The following NDOR1 variants were observed in gnomAD, a reference collection of about 807,000 sequenced individuals.
NDOR1 encodes the protein NADPH-dependent diflavin oxidoreductase 1.
In NDOR1, 61 loss-of-function variants were observed where a neutral mutation model predicts 67.2. The ratio of observed to expected loss-of-function variants is 0.91; its 90% CI spans 0.74 to 1.12. The LOEUF is 1.12. Ranked by LOEUF, NDOR1 falls within the 50% of genes most tolerant of loss-of-function variation. The pLI, the probability that NDOR1 is intolerant of heterozygous loss-of-function variation, is 0.00. For missense variants in NDOR1, 878 were observed against 802.8 expected (o/e 1.09, Z -1.13); for synonymous variants, 378 against 343.7 (o/e 1.10, Z -1.10).
At chr9:137,208,231 C>T (rs1181133287) in intron 2 of NDOR1, among the ~76,000 whole-genome samples, 5 of 150,854 alleles carry the variant, frequency 3.3e-5, no homozygotes, top group Non-Finnish European at 7.4e-5. Flanking sequence ...AGGCAGATCA[C>T]GAGGTCAGGA....
rs989725891 is a variant in NDOR1 at position 137,218,023 on chromosome 9, C to T, written c.*1607C>T. The T allele has an allele frequency of 7.5e-6, 3 of 399,212 alleles. No individual in the cohort carries two copies. The highest frequency in any genetic ancestry group is 6.2e-5 in the African/African-American group (3 of 48,626). 24.7% of individuals were successfully genotyped at this position (399,212 alleles called of 1,614,324 possible). On this transcript the variant is annotated 3_prime_UTR_variant, in exon 14 of 14. Coordinates refer to ENST00000684003, the MANE Select transcript of NDOR1 (RefSeq NM_014434.4). ...TGGAGGGTGCCTGGGCCCTTCCAAC[C>T]TGGAAGGAGGAGGGGAGAGAGCAGG...
intron 2 of NDOR1, among the ~76,000 whole-genome samples, chr9:137,209,851 G>A (rs144480474): frequency 2.2e-4 from 33 of 152,376 alleles, no homozygotes; most frequent in African/African-American, 7.7e-4. Flanking sequence ...CAACACTTTG[G>A]GAGGCCGAGG....
chr9:137,212,539 C>G lies in NDOR1; in HGVS notation c.251C>G (p.Ser84Cys). The change falls in exon 3 of 14, where the codon TCC (serine) becomes TGC (cysteine). Residue 84 changes from serine to cysteine, a missense_variant. Physicochemically the swap from Ser to Cys is moderately radical, Grantham distance 112 (BLOSUM62 -1). Coordinates refer to ENST00000684003, the MANE Select transcript of NDOR1 (RefSeq NM_014434.4). The surrounding 1 kb of genome is among the most constrained non-coding windows in gnomAD (Gnocchi z 4.3). ...WRFIFRKNLP[S>C]TALCQMDFAV... ...TTTATATTCCGGAAGAACCTGCCCT[C>G]CACTGCCCTCTGTCAGATGGACTTT... 6.2e-7 allele frequency: 1 copy of G among 1,614,104 alleles called. No individual in the cohort carries two copies.
At position 137,212,862 on chromosome 9, in the gene NDOR1, CCCCACTT is replaced by C. The variant is rs1216455106; in HGVS notation, c.311+264_311+270del. 1.3e-5 allele frequency: 6 copies of C among 479,724 alleles called. No homozygotes were observed. The highest frequency in any genetic ancestry group is 6.9e-5 in the Admixed American group (2 of 28,970). 29.7% of individuals were successfully genotyped at this position (479,724 alleles called of 1,614,324 possible). A position where few individuals can be genotyped will look rare whatever the true frequency, so the allele number is the denominator to read the frequency against. The stretch of plus-strand genomic sequence containing the variant: ...TCACACAGGCCTACCTGGCGCCGGT[CCCCACTT>C]TTACAAAAAGGCGTGCTGTGAAGTG... On this transcript the variant is annotated intron_variant, in intron 3 of 13. Transcript: ENST00000684003. This position sits in a 1 kb window ranked among gnomAD's most constrained non-coding sequence, Gnocchi z 4.3.
Position 137,205,733 on chromosome 9 carries a change from G to A in NDOR1, c.-45G>A. On this transcript the variant is annotated 5_prime_UTR_variant, in exon 1 of 14. Coordinates refer to ENST00000684003, the MANE Select transcript of NDOR1 (RefSeq NM_014434.4). ...CCCTGCAACCCGGCCGGCGGGAACT[G>A]CCTTCTAGTTTTTAGTCTCAGACCA... The A allele has an allele frequency of 6.3e-7, 1 of 1,598,736 alleles. No individual in the cohort carries two copies. Among genetic ancestry groups the A allele is most frequent in the East Asian group, 2.2e-5 (1 of 44,772 alleles).
chr9:137,218,043 A>G lies in NDOR1; in HGVS notation c.*1627A>G. Reference sequence around the variant, plus strand: ...CCAACCTGGAAGGAGGAGGGGAGAGAGCAGGCAGCAGGGCAGGGGGAAGAG... The same window carrying G: ...CCAACCTGGAAGGAGGAGGGGAGAGGGCAGGCAGCAGGGCAGGGGGAAGAG... On this transcript the variant is annotated 3_prime_UTR_variant, in exon 14 of 14. Transcript: ENST00000684003. 7.5e-6 allele frequency: 3 copies of G among 399,450 alleles called. No individual in the cohort carries two copies. The highest frequency in any genetic ancestry group is 2.1e-5 in the African/African-American group (1 of 48,744). 24.7% of individuals were successfully genotyped at this position (399,450 alleles called of 1,614,324 possible).
intron 5 of NDOR1, 60 bp downstream of exon 5, chr9:137,214,128 C>T (rs945068548): frequency 6.3e-5 from 97 of 1,530,410 alleles, no homozygotes; most frequent in South Asian, 3.0e-4. Context: ...CTGGGGACCT[C>T]GCCCTGGGTC....
At chr9:137,211,528 C>G (rs1835254915) in intron 2 of NDOR1, among the ~76,000 whole-genome samples, 1 of 151,998 alleles carries the variant, frequency 6.6e-6, no homozygotes. Context: ...CTCCAGAACC[C>G]TTTTCTCGGG....
In NDOR1 at chr9:137,217,740, C is replaced by T; in HGVS notation, c.*1324C>T. ...CAGACCCTGCCTTCCCTGAGGGCCG[C>T]CCCTGTCGCCGCCCTGGGGTCCCTG... On this transcript the variant is annotated 3_prime_UTR_variant, in exon 14 of 14. Transcript: ENST00000684003. 2.6e-6 allele frequency: 1 copy of T among 378,900 alleles called. No homozygotes were observed. The highest frequency in any genetic ancestry group is 4.7e-6 in the Non-Finnish European group (1 of 214,092). 23.5% of individuals were successfully genotyped at this position (378,900 alleles called of 1,614,324 possible). A position where few individuals can be genotyped will look rare whatever the true frequency, so the allele number is the denominator to read the frequency against.
rs750946538 is a variant in NDOR1 at position 137,216,406 on chromosome 9, C to T, written c.1784C>T (p.Thr595Met). Residue 595 changes from threonine (T) to methionine (M), a missense_variant, in exon 14 of 14, where the codon ACG becomes ATG. Physicochemically the swap from Thr to Met is moderately conservative, Grantham distance 81. Transcript: ENST00000684003. ...LQQTRRFQTE[T>M]WA ...CAGACACGGCGCTTCCAGACAGAGA[C>T]GTGGGCCTGAGGCCCGCGGCTGCCC... 8.1e-6 allele frequency: 13 copies of T among 1,603,672 alleles called. No homozygotes were observed. The highest frequency in any genetic ancestry group is 4.0e-5 in the African/African-American group (3 of 74,908).
intron 2 of NDOR1, among the ~76,000 whole-genome samples, chr9:137,208,422 G>A (rs1477940867): frequency 6.6e-6 from 1 of 152,108 alleles, no homozygotes; most frequent in Non-Finnish European, 1.5e-5. Flanking sequence ...CTGCACTCCA[G>A]CCTGGGCGAC....
intron 11 of NDOR1, 24 bp downstream of exon 11, chr9:137,215,829 AG>A: frequency 6.2e-7 from 1 of 1,604,938 alleles, no homozygotes; most frequent in Non-Finnish European, 8.5e-7. Flanking sequence ...GTCTCCGGGC[AG>A]GGTTGTTGCC....
intron 2 of NDOR1, among the ~76,000 whole-genome samples, chr9:137,210,110 A>C (rs1296236458): frequency 2.6e-5 from 4 of 152,220 alleles, no homozygotes; most frequent in Admixed American, 1.3e-4. Flanking sequence ...CCACCCGAGG[A>C]AAGACCCGCA....
Position 137,205,858 on chromosome 9 carries a change from G to A in NDOR1, c.81G>A (p.Glu27=), listed in dbSNP as rs750237086. ...ATGTGTCGGAGAGACTGGGTCGCGA[G>A]GCCCGGCGCCGGCGGCTTGGCTGCC... is the stretch of plus-strand genomic sequence containing the variant. ...AQDVSERLGR[E]ARRRRLGCRV... The change falls in exon 1 of 14, where the codon GAG becomes GAA. Residue 27 remains glutamate, a synonymous_variant. Transcript: ENST00000684003. 4.4e-6 allele frequency: 7 copies of A among 1,602,176 alleles called. No individual in the cohort carries two copies. The highest frequency in any genetic ancestry group is 5.9e-6 in the Non-Finnish European group (7 of 1,178,632).
intron 9 of NDOR1, 34 bp downstream of exon 9, chr9:137,215,236 C>T: frequency 6.3e-7 from 1 of 1,594,180 alleles, no homozygotes; most frequent in Non-Finnish European, 8.6e-7. Context: ...CCAGGACCGG[C>T]CCTGGGAAAG....
chr9:137,213,905 T>A, intron 4 of NDOR1, 27 bp downstream of exon 4: 1 of 1,600,380 alleles, frequency 6.2e-7, no homozygotes, highest in East Asian at 2.3e-5. Flanking sequence ...GGTACCCGCC[T>A]CCACAGTCTG....
rs750195557 is a variant in NDOR1 at position 137,205,926 on chromosome 9, A to G, written c.135+14A>G. On this transcript the variant is annotated intron_variant, in intron 1 of 13. Coordinates refer to ENST00000684003, the MANE Select transcript of NDOR1 (RefSeq NM_014434.4). ...TCCTACCCGGTGGTGAGGGCTCGCT[A>G]GGGCCTCGGCGTGGGGGACGAGCAG... The G allele has an allele frequency of 2.5e-6, 4 of 1,576,008 alleles. No individual in the cohort carries two copies. The highest frequency in any genetic ancestry group is 3.4e-6 in the Non-Finnish European group (4 of 1,166,198).
chr9:137,209,264 G>C (rs1234671805), intron 2 of NDOR1, among the ~76,000 whole-genome samples: 1 of 152,178 alleles, frequency 6.6e-6, no homozygotes, highest in Non-Finnish European at 1.5e-5. Flanking sequence ...GGGATGTGCA[G>C]CGGCTTGGGG....
rs569543060 is a variant in NDOR1, at chr9:137,217,082, C to T, written c.*666C>T. On this transcript the variant is annotated 3_prime_UTR_variant, in exon 14 of 14. Transcript: ENST00000684003. ...GGGTGCTGGGTGCTGGATGGATGGG[C>T]GTCCTCTAGCTCCTCCCGGTGCCCT... 1.7e-4 allele frequency: 30 copies of T among 181,546 alleles called. No individual in the cohort carries two copies. Among genetic ancestry groups the T allele is most frequent in the South Asian group, 8.3e-5 (1 of 11,982 alleles). The allele number at this position is 181,546 out of a possible 1,614,324, so 11.2% of individuals were successfully genotyped here.
Sources: gnomAD v4.1 joint callset for allele counts (sites outside exome capture counted in the v4.1 genomes callset) on GRCh38, gnomAD v4.1.1 for gene constraint, Gnocchi (gnomAD v3.1) non-coding constraint, MANE v1.5 for transcripts, NCBI Gene and HGNC (gene_info 2026-07-23, HGNC 2026-07-21) for gene names.